STPG2: variants seen among roughly 807,000 people sequenced by gnomAD.
STPG2 encodes the protein sperm tail PG-rich repeat containing 2.
A neutral mutation model predicts 54.2 loss-of-function variants in STPG2; 56 were observed. The observed-to-expected ratio is 1.03, with a 90% confidence interval of 0.83 to 1.29. The LOEUF (loss-of-function observed/expected upper bound fraction) is 1.29, where lower values mean the gene tolerates loss of function less well. STPG2 is among the 50% of genes most tolerant of loss of function. The pLI is 0.00. For synonymous variants in STPG2, 200 were observed against 181.8 expected, an observed-to-expected ratio of 1.10 and a Z score of -0.81; for missense variants, 596 against 544.9, an observed-to-expected ratio of 1.09 and a Z score of -0.93.
intron 5 of STPG2, among the ~76,000 whole-genome samples, chr4:98,033,519 A>C (rs1428402373): frequency 6.6e-6 from 1 of 152,106 alleles, no homozygotes; most frequent in African/African-American, 2.4e-5. Context: ...AATTCTACCA[A>C]AGGTACAAAG....
chr4:97,616,067 T>C (rs1481761522), intron 10 of STPG2, among the ~76,000 whole-genome samples: 1,414 of 72,454 alleles, frequency 0.02, 93 homozygotes, highest in African/African-American at 0.067. Flanking sequence ...AATATATATA[T>C]ATATATATAT....
intron 9 of STPG2, among the ~76,000 whole-genome samples, chr4:97,810,280 A>G (rs566798250): frequency 6.6e-6 from 1 of 152,238 alleles, no homozygotes; most frequent in South Asian, 2.1e-4. Flanking sequence ...CCTGGCCAAC[A>G]TGGTGAAACC....
At chr4:98,033,298 A>G (rs1268991681) in intron 5 of STPG2, among the ~76,000 whole-genome samples, 1 of 152,202 alleles carries the variant, frequency 6.6e-6, no homozygotes, top group Admixed American at 6.5e-5. Context: ...CAGAAATACA[A>G]ACTAACATCA....
intron 9 of STPG2, among the ~76,000 whole-genome samples, chr4:97,753,397 G>GCATA (rs1725637357): frequency 6.6e-6 from 1 of 151,856 alleles, no homozygotes; most frequent in Admixed American, 6.6e-5. Context: ...CCATGTTGTA[G>GCATA]CATATATCAA....
At chr4:97,876,873 A>C (rs2149160722) in intron 8 of STPG2, among the ~76,000 whole-genome samples, 1 of 152,208 alleles carries the variant, frequency 6.6e-6, no homozygotes, top group African/African-American at 2.4e-5. Flanking sequence ...AGAATAGAAA[A>C]AATTTGGACC....
chr4:98,101,864 T>TCTCCCCCCC (rs140638030), intron 5 of STPG2, among the ~76,000 whole-genome samples: 1 of 143,880 alleles, frequency 7.0e-6, no homozygotes, highest in African/African-American at 2.6e-5. Context: ...TTTCATTATC[T>TCTCCCCCCC]TCCCCCTCCC....
At chr4:97,496,193 A>G (rs979970838) in intron 4 of STPG2, among the ~76,000 whole-genome samples, 5 of 151,736 alleles carry the variant, frequency 3.3e-5, no homozygotes, top group Non-Finnish European at 5.9e-5. Flanking sequence ...ATGCCCCCCC[A>G]AAAGTATTTT....
intron 9 of STPG2, among the ~76,000 whole-genome samples, chr4:97,790,817 A>G (rs1002276714): frequency 6.6e-6 from 1 of 152,202 alleles, no homozygotes; most frequent in Non-Finnish European, 1.5e-5. Context: ...TTTTAAGCAC[A>G]GCTGGTGAGC....
chr4:98,022,712 C>T (rs919117673), intron 5 of STPG2, among the ~76,000 whole-genome samples: 8 of 152,074 alleles, frequency 5.3e-5, no homozygotes, highest in African/African-American at 7.2e-5. Context: ...AGACTTTGTC[C>T]GTTTCTTTTT....
At chr4:97,769,211 G>A (rs1726149843) in intron 9 of STPG2, among the ~76,000 whole-genome samples, 1 of 152,050 alleles carries the variant, frequency 6.6e-6, no homozygotes, top group South Asian at 2.1e-4. Context: ...TTTACAGTAT[G>A]CACAAGGTAG....
intron 8 of STPG2, among the ~76,000 whole-genome samples, chr4:97,879,742 A>G (rs1053686290): frequency 1.3e-5 from 2 of 152,206 alleles, no homozygotes; most frequent in Non-Finnish European, 2.9e-5. Flanking sequence ...AGGAAAATGC[A>G]TATTAAAACA....
chr4:98,122,708 G>C (rs1177175527), intron 3 of STPG2, among the ~76,000 whole-genome samples: 1 of 142,668 alleles, frequency 7.0e-6, no homozygotes, highest in African/African-American at 2.7e-5. Flanking sequence ...ATGAGTTAAG[G>C]AGGAGTCCCT....
intron 5 of STPG2, among the ~76,000 whole-genome samples, chr4:98,047,914 G>A (rs377425251): frequency 9.3e-4 from 141 of 152,210 alleles, no homozygotes; most frequent in African/African-American, 2.7e-3. Flanking sequence ...AAGTGGATAC[G>A]TGATACATAA....
At chr4:97,789,525 C>T (rs1020964483) in intron 9 of STPG2, among the ~76,000 whole-genome samples, 1 of 151,868 alleles carries the variant, frequency 6.6e-6, no homozygotes, top group Non-Finnish European at 1.5e-5. Flanking sequence ...GTCTTTTCTT[C>T]GATCTACATT....
At chr4:97,629,171 A>T (rs1219963724) in intron 10 of STPG2, among the ~76,000 whole-genome samples, 1 of 151,998 alleles carries the variant, frequency 6.6e-6, no homozygotes, top group Non-Finnish European at 1.5e-5. Flanking sequence ...AATAAGAGTA[A>T]TAGTAATAGA....
At chr4:98,074,971 T>A (rs1200817567) in intron 5 of STPG2, among the ~76,000 whole-genome samples, 2 of 152,208 alleles carry the variant, frequency 1.3e-5, no homozygotes, top group Admixed American at 6.5e-5. Context: ...AATTATGTTA[T>A]CTACCTCCAG....
intron 4 of STPG2, among the ~76,000 whole-genome samples, chr4:97,496,027 A>G (rs1399738019): frequency 2.0e-5 from 3 of 151,650 alleles, no homozygotes; most frequent in Non-Finnish European, 4.4e-5. Flanking sequence ...TACACACACA[A>G]ACATGCATAA....
chr4:97,524,669 C>G (rs1052637454), intron 4 of STPG2, among the ~76,000 whole-genome samples: 2 of 151,962 alleles, frequency 1.3e-5, no homozygotes, highest in Non-Finnish European at 2.9e-5. Context: ...TTTCATCTTA[C>G]AGCAATCCTC....
intron 7 of STPG2, among the ~76,000 whole-genome samples, chr4:97,950,463 A>G (rs910670932): frequency 2.6e-5 from 4 of 152,104 alleles, no homozygotes; most frequent in African/African-American, 9.7e-5. Flanking sequence ...TTTTCTCTTT[A>G]AAATATGTAT....
Sources: gnomAD v4.1 joint callset for allele counts (sites outside exome capture counted in the v4.1 genomes callset) on GRCh38, gnomAD v4.1.1 for gene constraint, MANE v1.5 for transcripts, NCBI Gene and HGNC (gene_info 2026-07-23, HGNC 2026-07-21) for gene names.